The following KIRREL3 variants were observed in gnomAD, a reference collection of about 807,000 sequenced individuals.
The protein encoded by KIRREL3 is kirre like nephrin family adhesion molecule 3, also known as kin of IRRE-like protein 3.
A neutral mutation model predicts 89.7 loss-of-function variants in KIRREL3; 36 were observed. The ratio of observed to expected loss-of-function variants is 0.40; its 90% CI spans 0.31 to 0.53. The LOEUF (loss-of-function observed/expected upper bound fraction) is 0.53, where lower values mean the gene tolerates loss of function less well. KIRREL3 is among the 20% of genes least tolerant of loss of function. The probability of loss-of-function intolerance (pLI) is 0.49; values close to 1 mark genes in which losing one functional copy is unlikely to be tolerated. For synonymous variants in KIRREL3, 445 were observed against 441.4 expected, an observed-to-expected ratio of 1.01 and a Z score of -0.10; for missense variants, 864 against 1,056.6, an observed-to-expected ratio of 0.82 and a Z score of 2.53.
rs569843446 is a variant in KIRREL3, at chr11:126,897,284, C to T, written c.55+103171G>A. On this transcript the variant is annotated intron_variant, in intron 1 of 16. Coordinates refer to ENST00000525144, the MANE Select transcript of KIRREL3 (RefSeq NM_032531.4). This position sits in a 1 kb window ranked among gnomAD's most constrained non-coding sequence, Gnocchi z 4.2. The stretch of plus-strand genomic sequence containing the variant: ...GGAATCTCATGAGGAGGAGATCAGT[C>T]CTGGAATGTCCAGGACTGAGGGGAC... 4.6e-5 allele frequency among the ~76,000 whole-genome samples: 7 copies of T among 152,090 alleles called. No individual in the cohort carries two copies. Among genetic ancestry groups the T allele is most frequent in the African/African-American group, 1.7e-4 (7 of 41,480 alleles).
In KIRREL3 at chr11:126,892,592, G is replaced by A. The variant is rs1023670582; in HGVS notation, c.55+107863C>T. On this transcript the variant is annotated intron_variant, in intron 1 of 16. Coordinates refer to ENST00000525144, the MANE Select transcript of KIRREL3 (RefSeq NM_032531.4). This position sits in a 1 kb window ranked among gnomAD's most constrained non-coding sequence, Gnocchi z 5.4. ...AGAAGTAAGGCCTGGCTCTGTGCAC[G>A]TGTGTGTGCATGTGCACGTGTGTAT... is the stretch of plus-strand genomic sequence containing the variant. 6.6e-6 allele frequency among the ~76,000 whole-genome samples: 1 copy of A among 152,144 alleles called. No individual in the cohort carries two copies. The highest frequency in any genetic ancestry group is 2.1e-4 in the South Asian group (1 of 4,824).
rs184682504 is a variant in KIRREL3 at position 126,983,504 on chromosome 11, G to A, written c.55+16951C>T. On this transcript the variant is annotated intron_variant, in intron 1 of 16. Transcript: ENST00000525144. The surrounding 1 kb of genome is among the most constrained non-coding windows in gnomAD (Gnocchi z 4.9). ...GAGAGATTTTCCTAAATTACCCTCT[G>A]TGGTCTGATATAATCACTTGGTTCC... is the stretch of plus-strand genomic sequence containing the variant. Among the ~76,000 whole-genome samples, 46 of 152,304 alleles carry A rather than the reference G, an allele frequency of 3.0e-4. No homozygotes were observed. In the East Asian group the frequency reaches 8.7e-3, roughly 29 times the overall value.
chr11:126,879,274 A>G lies in KIRREL3; in HGVS notation c.55+121181T>C, dbSNP rs768926041. 1.3e-5 allele frequency among the ~76,000 whole-genome samples: 2 copies of G among 152,224 alleles called. No individual in the cohort carries two copies. The highest frequency in any genetic ancestry group is 2.9e-5 in the Non-Finnish European group (2 of 68,044). On this transcript the variant is annotated intron_variant, in intron 1 of 16. Transcript: ENST00000525144. The surrounding 1 kb of genome is among the most constrained non-coding windows in gnomAD (Gnocchi z 5.4). ...GCTCTCAGAGCTGATGTGTTTATTT[A>G]GACTAGTGCTGAGGCTGAGTTAATG...
chr11:126,566,040 C>T lies in KIRREL3; in HGVS notation c.56-3128G>A, dbSNP rs2134601830. Among the ~76,000 whole-genome samples the T allele has an allele frequency of 6.6e-6, 1 of 152,312 alleles. No homozygotes were observed. Among genetic ancestry groups the T allele is most frequent in the Non-Finnish European group, 1.5e-5 (1 of 68,020 alleles). On this transcript the variant is annotated intron_variant, in intron 1 of 16. Coordinates refer to ENST00000525144, the MANE Select transcript of KIRREL3 (RefSeq NM_032531.4). This position sits in a 1 kb window ranked among gnomAD's most constrained non-coding sequence, Gnocchi z 4.9. ...CAGATCACAGATGCACATTTTGGAA[C>T]AGTAAGATGATGGGATCTTCTCCAA...
In KIRREL3 at chr11:126,553,338, C is replaced by G. The variant is rs1223585949; in HGVS notation, c.133+9497G>C. On this transcript the variant is annotated intron_variant, in intron 2 of 16. Coordinates refer to ENST00000525144, the MANE Select transcript of KIRREL3 (RefSeq NM_032531.4). The surrounding 1 kb of genome is among the most constrained non-coding windows in gnomAD (Gnocchi z 4.7). Reference sequence around the variant, plus strand: ...GGAAAGCCCACTCCAGAGTCAGTGTCTATTCTAGGCAAGACCCATTTGTAG... The same window carrying G: ...GGAAAGCCCACTCCAGAGTCAGTGTGTATTCTAGGCAAGACCCATTTGTAG... Among the ~76,000 whole-genome samples, 1 of 152,186 alleles carries G rather than the reference C, an allele frequency of 6.6e-6. No individual in the cohort carries two copies. Among genetic ancestry groups the G allele is most frequent in the Non-Finnish European group, 1.5e-5 (1 of 68,036 alleles).
At chr11:126,836,580 T>C (rs1436876548) in intron 1 of KIRREL3, among the ~76,000 whole-genome samples, 1 of 152,240 alleles carries the variant, frequency 6.6e-6, no homozygotes, top group East Asian at 1.9e-4. Flanking sequence ...CTTTATCTTA[T>C]TTACCAAATG....
rs905743421 is a variant in KIRREL3 at position 126,977,100 on chromosome 11, T to G, written c.55+23355A>C. ...TTCTTGAAACCTAAAAAAATCTCTC[T>G]TTTCCTTTTTTCTTTTTCTGCAGGC... On this transcript the variant is annotated intron_variant, in intron 1 of 16. Transcript: ENST00000525144. The surrounding 1 kb of genome is among the most constrained non-coding windows in gnomAD (Gnocchi z 4.7). Among the ~76,000 whole-genome samples the G allele has an allele frequency of 3.3e-5, 5 of 152,182 alleles. No individual in the cohort carries two copies. Among genetic ancestry groups the G allele is most frequent in the Non-Finnish European group, 7.3e-5 (5 of 68,036 alleles).
At position 126,477,631 on chromosome 11, in the gene KIRREL3, G is replaced by T. The variant is rs912836027; in HGVS notation, c.434-4165C>A. ...ACTCCCCTTTTTTTAGAGACAGTTTGCCAGGTTGGCCAGCCTCGTCTGAGC... is the reference window on the plus strand; with the variant it reads ...ACTCCCCTTTTTTTAGAGACAGTTTTCCAGGTTGGCCAGCCTCGTCTGAGC... On this transcript the variant is annotated intron_variant, in intron 4 of 16. Coordinates refer to ENST00000525144, the MANE Select transcript of KIRREL3 (RefSeq NM_032531.4). The surrounding 1 kb of genome is among the most constrained non-coding windows in gnomAD (Gnocchi z 4.8). Among the ~76,000 whole-genome samples the T allele has an allele frequency of 3.3e-5, 5 of 152,248 alleles. No individual in the cohort carries two copies. The highest frequency in any genetic ancestry group is 3.3e-4 in the Admixed American group (5 of 15,290).
intron 1 of KIRREL3, among the ~76,000 whole-genome samples, chr11:126,646,893 A>G (rs1944711447): frequency 6.6e-6 from 1 of 152,124 alleles, no homozygotes; most frequent in African/African-American, 2.4e-5. Context: ...TGTTGAGACA[A>G]CGTTTTTCCC....
chr11:126,913,870 A>G (rs1319437274), intron 1 of KIRREL3, among the ~76,000 whole-genome samples: 1 of 152,176 alleles, frequency 6.6e-6, no homozygotes, highest in Non-Finnish European at 1.5e-5. Flanking sequence ...TGTGTGGCTG[A>G]CACCTCATCA....
rs368150263 is a variant in KIRREL3 at position 126,463,467 on chromosome 11, C to T, written c.592-160G>A. Among the ~76,000 whole-genome samples the T allele has an allele frequency of 3.9e-5, 6 of 152,136 alleles. No homozygotes were observed. The highest frequency in any genetic ancestry group is 2.0e-4 in the Admixed American group (3 of 15,276). On this transcript the variant is annotated intron_variant, in intron 5 of 16. Coordinates refer to ENST00000525144, the MANE Select transcript of KIRREL3 (RefSeq NM_032531.4). The surrounding 1 kb of genome is among the most constrained non-coding windows in gnomAD (Gnocchi z 5.9). ...GGGCTGCCCATGTCTACGCAGAGCTCGGGGGTTACCCCCTGGCTCCCTGGC... is the reference window on the plus strand; with the variant it reads ...GGGCTGCCCATGTCTACGCAGAGCTTGGGGGTTACCCCCTGGCTCCCTGGC...
intron 4 of KIRREL3, among the ~76,000 whole-genome samples, chr11:126,509,377 A>T (rs530648317): frequency 2.0e-5 from 3 of 152,140 alleles, no homozygotes; most frequent in African/African-American, 4.8e-5. Context: ...CTTCAGGTGG[A>T]GTTCCTCCAG....
chr11:126,512,520 C>T (rs1958257433), intron 4 of KIRREL3, among the ~76,000 whole-genome samples: 1 of 152,174 alleles, frequency 6.6e-6, no homozygotes, highest in Non-Finnish European at 1.5e-5. Context: ...GCCTGAGGAG[C>T]AGCCGTATGA....
At position 126,612,456 on chromosome 11, in the gene KIRREL3, A is replaced by G. The variant is rs1191743127; in HGVS notation, c.56-49544T>C. Among the ~76,000 whole-genome samples the G allele has an allele frequency of 6.6e-6, 1 of 152,166 alleles. No individual in the cohort carries two copies. Among genetic ancestry groups the G allele is most frequent in the East Asian group, 1.9e-4 (1 of 5,204 alleles). The stretch of plus-strand genomic sequence containing the variant: ...ACCTGGCTCTGCTACTAACTGTCTC[A>G]TGAACTTGGAAGCTTTAGGGGTTAG... On this transcript the variant is annotated intron_variant, in intron 1 of 16. Transcript: ENST00000525144. The surrounding 1 kb of genome is among the most constrained non-coding windows in gnomAD (Gnocchi z 4.5).
At chr11:126,854,858 C>T (rs1944458843) in intron 1 of KIRREL3, among the ~76,000 whole-genome samples, 1 of 152,176 alleles carries the variant, frequency 6.6e-6, no homozygotes, top group Non-Finnish European at 1.5e-5. Context: ...ACAAAGGGTC[C>T]AATTCATCCT....
rs1157862369 is a variant in KIRREL3 at position 126,508,314 on chromosome 11, A to G, written c.433+13001T>C. 6.6e-6 allele frequency among the ~76,000 whole-genome samples: 1 copy of G among 152,120 alleles called. No individual in the cohort carries two copies. Among genetic ancestry groups the G allele is most frequent in the African/African-American group, 2.4e-5 (1 of 41,404 alleles). On this transcript the variant is annotated intron_variant, in intron 4 of 16. Coordinates refer to ENST00000525144, the MANE Select transcript of KIRREL3 (RefSeq NM_032531.4). This position sits in a 1 kb window ranked among gnomAD's most constrained non-coding sequence, Gnocchi z 4.9. Reference sequence around the variant, plus strand: ...GGTGCCTATGAACCTCCCCCTTGGAAAAACCTCCTTCACACGGACAGAACA... The same window carrying G: ...GGTGCCTATGAACCTCCCCCTTGGAGAAACCTCCTTCACACGGACAGAACA...
intron 15 of KIRREL3, 95 bp from the exon 16 acceptor site, chr11:126,425,819 C>T (rs1954922054): frequency 3.1e-6 from 3 of 957,194 alleles, no homozygotes; most frequent in Non-Finnish European, 4.8e-6. Flanking sequence ...AAAGATTGCC[C>T]TGTATAACCC....
At chr11:126,539,660 G>A (rs1938197877) in intron 2 of KIRREL3, among the ~76,000 whole-genome samples, 1 of 152,214 alleles carries the variant, frequency 6.6e-6, no homozygotes, top group Non-Finnish European at 1.5e-5. Flanking sequence ...CTCAGGAGGA[G>A]AAGCGCGCTT....
Position 126,576,401 on chromosome 11 carries a change from C to T in KIRREL3, c.56-13489G>A, listed in dbSNP as rs1941257731. On this transcript the variant is annotated intron_variant, in intron 1 of 16. Coordinates refer to ENST00000525144, the MANE Select transcript of KIRREL3 (RefSeq NM_032531.4). The surrounding 1 kb of genome is among the most constrained non-coding windows in gnomAD (Gnocchi z 5.4). Reference sequence around the variant, plus strand: ...TTCATTCATTCAAGGAGAGCTCACTCTGTGTCAGTTCTGGCTGTTATGGAT... The same window carrying T: ...TTCATTCATTCAAGGAGAGCTCACTTTGTGTCAGTTCTGGCTGTTATGGAT... Among the ~76,000 whole-genome samples the T allele has an allele frequency of 6.6e-6, 1 of 152,198 alleles. No homozygotes were observed. Among genetic ancestry groups the T allele is most frequent in the Admixed American group, 6.5e-5 (1 of 15,278 alleles).
Sources: allele counts gnomAD v4.1 joint callset (sites outside exome capture counted in the v4.1 genomes callset), GRCh38; gene constraint gnomAD v4.1.1; non-coding constraint Gnocchi (gnomAD v3.1); transcripts MANE v1.5; gene names NCBI Gene and HGNC (gene_info 2026-07-23, HGNC 2026-07-21).